ZBBX: variants seen among roughly 807,000 people sequenced by gnomAD.
ZBBX encodes zinc finger B-box domain containing.
A neutral mutation model predicts 108.5 loss-of-function variants in ZBBX; 101 were observed. That is an observed-to-expected ratio of 0.93 (90% CI 0.79 to 1.10). The LOEUF is 1.10. Ranked by LOEUF, ZBBX falls within the 50% of genes least tolerant of loss-of-function variation. The pLI is 0.00. For synonymous variants in ZBBX, 356 were observed against 323.4 expected (o/e 1.10, Z -1.08); for missense variants, 1,009 against 941.4 (o/e 1.07, Z -0.94).
intron 2 of ZBBX, among the ~76,000 whole-genome samples, chr3:167,376,933 G>T (rs992523626): frequency 6.6e-6 from 1 of 152,092 alleles, no homozygotes; most frequent in Non-Finnish European, 1.5e-5. Context: ...GAATAGCAAA[G>T]CACAAAATTT....
chr3:167,365,854 A>AT, intron 6 of ZBBX, 32 bp downstream of exon 6: 1 of 1,520,532 alleles, frequency 6.6e-7, no homozygotes, highest in Non-Finnish European at 9.1e-7. Context: ...TTGCTTAGCA[A>AT]AATGCATAAG....
At chr3:167,225,197 G>A in the ZBBX span, among the ~76,000 whole-genome samples, 2 of 151,850 alleles carry the variant, frequency 1.3e-5, no homozygotes, top group African/African-American at 4.8e-5. Context: ...GAAGGCCCCA[G>A]CTCAAAACTG....
At chr3:167,295,657 C>T (rs1471112722) in intron 18 of ZBBX, among the ~76,000 whole-genome samples, 1 of 134,388 alleles carries the variant, frequency 7.4e-6, no homozygotes, top group African/African-American at 2.8e-5. Context: ...GCATATGTAC[C>T]CAGAACTTAA....
At chr3:167,199,342 T>G in the ZBBX span, among the ~76,000 whole-genome samples, 1 of 152,188 alleles carries the variant, frequency 6.6e-6, no homozygotes, top group African/African-American at 2.4e-5. Flanking sequence ...GTATATCAGC[T>G]GCAGCATCTG....
chr3:167,197,691 A>G, the ZBBX span, among the ~76,000 whole-genome samples: 1 of 152,248 alleles, frequency 6.6e-6, no homozygotes, highest in African/African-American at 2.4e-5. Flanking sequence ...TGCTATTGAC[A>G]TGCTGTCAGA....
At chr3:167,290,610 A>G (rs1297877125) in intron 18 of ZBBX, among the ~76,000 whole-genome samples, 4 of 152,172 alleles carry the variant, frequency 2.6e-5, no homozygotes, top group Non-Finnish European at 5.9e-5. Flanking sequence ...AAACCAGTGC[A>G]GAAGGGCTGA....
At chr3:167,379,187 C>T (rs940358498) in intron 2 of ZBBX, among the ~76,000 whole-genome samples, 17 of 152,126 alleles carry the variant, frequency 1.1e-4, no homozygotes, top group Non-Finnish European at 1.6e-4. Flanking sequence ...TGTTTCCTAA[C>T]GATCTTGATG....
At chr3:167,231,261 C>G in the ZBBX span, among the ~76,000 whole-genome samples, 1 of 151,856 alleles carries the variant, frequency 6.6e-6, no homozygotes, top group East Asian at 1.9e-4. Flanking sequence ...GACAAAGACT[C>G]TTCCCTAAGC....
chr3:167,340,779 A>G (rs545822000), intron 9 of ZBBX, among the ~76,000 whole-genome samples: 2 of 152,040 alleles, frequency 1.3e-5, no homozygotes, highest in Admixed American at 6.6e-5. Context: ...AAATTTGTAT[A>G]TAGAAGACAA....
At chr3:167,267,880 C>G (rs954899655) in intron 20 of ZBBX, among the ~76,000 whole-genome samples, 10 of 151,838 alleles carry the variant, frequency 6.6e-5, no homozygotes, top group Admixed American at 4.6e-4. Flanking sequence ...CACTCATTGC[C>G]CCCAATCCTT....
chr3:167,218,196 A>G, the ZBBX span, among the ~76,000 whole-genome samples: 1 of 152,170 alleles, frequency 6.6e-6, no homozygotes, highest in Admixed American at 6.6e-5. Context: ...TATGTACAAC[A>G]AACCCCCATG....
chr3:167,307,450 C>A (rs1260271181), intron 16 of ZBBX, among the ~76,000 whole-genome samples: 1 of 152,106 alleles, frequency 6.6e-6, no homozygotes, highest in Admixed American at 6.6e-5. Flanking sequence ...TGTGCAAAAT[C>A]ACTAGCATTC....
intron 21 of ZBBX, 70 bp from the exon 22 acceptor site, chr3:167,240,989 T>A (rs985153908): frequency 1.9e-6 from 3 of 1,563,342 alleles, no homozygotes; most frequent in Non-Finnish European, 2.6e-6. Flanking sequence ...TATCTTCTGA[T>A]CAATACTACA....
At chr3:167,319,587 T>C (rs1260735550) in intron 12 of ZBBX, among the ~76,000 whole-genome samples, 2 of 152,012 alleles carry the variant, frequency 1.3e-5, no homozygotes, top group East Asian at 1.9e-4. Flanking sequence ...ATGAGCACTA[T>C]GGCCAAAGTA....
chr3:167,263,972 C>T (rs1434402723), intron 20 of ZBBX, among the ~76,000 whole-genome samples: 2 of 152,062 alleles, frequency 1.3e-5, no homozygotes, highest in Non-Finnish European at 2.9e-5. Flanking sequence ...ATATAATGAC[C>T]TTCTTCTTAC....
intron 20 of ZBBX, among the ~76,000 whole-genome samples, chr3:167,264,372 G>C (rs1042475827): frequency 6.6e-6 from 1 of 151,538 alleles, no homozygotes; most frequent in Non-Finnish European, 1.5e-5. Context: ...TATATCTTTT[G>C]TATGTTTTTC....
the ZBBX span, among the ~76,000 whole-genome samples, chr3:167,186,239 G>T: frequency 6.6e-6 from 1 of 151,714 alleles, no homozygotes; most frequent in Non-Finnish European, 1.5e-5. Context: ...TTTCAAAAGG[G>T]GGCTTCCAAT....
At chr3:167,316,981 G>T in intron 14 of ZBBX, 24 bp downstream of exon 14, 2 of 1,379,212 alleles carry the variant, frequency 1.5e-6, no homozygotes, top group Non-Finnish European at 2.0e-6. Context: ...ATCATGAATG[G>T]TCATTATGCA....
intron 8 of ZBBX, among the ~76,000 whole-genome samples, chr3:167,357,739 C>T (rs996042962): frequency 3.8e-4 from 58 of 152,066 alleles, no homozygotes; most frequent in African/African-American, 1.3e-3. Context: ...ATGTTTATTG[C>T]GGCACTATTC....
Sources: gnomAD v4.1 joint callset for allele counts (sites outside exome capture counted in the v4.1 genomes callset) on GRCh38, gnomAD v4.1.1 for gene constraint, MANE v1.5 for transcripts, NCBI Gene and HGNC (gene_info 2026-07-23, HGNC 2026-07-21) for gene names.